TMEM132D: variants seen among roughly 807,000 people sequenced by gnomAD.
The protein encoded by TMEM132D is transmembrane protein 132D.
In TMEM132D, 21 loss-of-function variants were observed where a neutral mutation model predicts 62.3. The ratio of observed to expected loss-of-function variants is 0.34; its 90% CI spans 0.24 to 0.49. The LOEUF (loss-of-function observed/expected upper bound fraction) is 0.49. Ranked by LOEUF, TMEM132D falls within the 20% of genes least tolerant of loss-of-function variation. The probability of loss-of-function intolerance (pLI) is 0.99; values close to 1 mark genes in which losing one functional copy is unlikely to be tolerated. For synonymous variants in TMEM132D, 621 were observed against 575.6 expected (o/e 1.08, Z -1.13); for missense variants, 1,346 against 1,402.8 (o/e 0.96, Z 0.65).
At chr12:129,853,849 A>G (rs1361732451) in intron 1 of TMEM132D, 6 of 152,034 alleles carry the variant, frequency 3.9e-5, no homozygotes. Context: ...TCATAAGTTT[A>G]CTGCAATACA....
chr12:129,120,044 G>T (rs1876008630), intron 5 of TMEM132D, among the ~76,000 whole-genome samples: 1 of 152,092 alleles, frequency 6.6e-6, no homozygotes, highest in African/African-American at 2.4e-5. Context: ...ATAAAAAAAA[G>T]ACACTATGGC....
intron 4 of TMEM132D, among the ~76,000 whole-genome samples, chr12:129,247,064 A>T (rs1367355726): frequency 6.6e-6 from 1 of 152,208 alleles, no homozygotes; most frequent in Non-Finnish European, 1.5e-5. Context: ...TCCTTAATCA[A>T]AAAGATGTTT....
At chr12:129,807,363 TCTCC>T (rs1872026246) in intron 1 of TMEM132D, among the ~76,000 whole-genome samples, 3 of 152,002 alleles carry the variant, frequency 2.0e-5, no homozygotes, top group Non-Finnish European at 4.4e-5. Context: ...GCCATCAATG[TCTCC>T]CCCAGGTGGC....
intron 2 of TMEM132D, among the ~76,000 whole-genome samples, chr12:129,655,401 C>T (rs1366100877): frequency 6.6e-6 from 1 of 151,998 alleles, no homozygotes; most frequent in Non-Finnish European, 1.5e-5. Flanking sequence ...CATGCACCAC[C>T]ATGCCCAGCT....
At chr12:129,680,608 A>C (rs189706989) in intron 2 of TMEM132D, among the ~76,000 whole-genome samples, 1 of 152,332 alleles carries the variant, frequency 6.6e-6, no homozygotes, top group East Asian at 1.9e-4. Flanking sequence ...ATCAGAAAAG[A>C]AAATATCTCC....
At chr12:129,672,685 T>C (rs1180527760) in intron 2 of TMEM132D, among the ~76,000 whole-genome samples, 2 of 152,220 alleles carry the variant, frequency 1.3e-5, no homozygotes. Flanking sequence ...TATAGGCTCA[T>C]ACAATCTACA....
chr12:129,614,875 A>G (rs1430235000), intron 2 of TMEM132D, among the ~76,000 whole-genome samples: 1 of 152,186 alleles, frequency 6.6e-6, no homozygotes, highest in Non-Finnish European at 1.5e-5. Flanking sequence ...GTTAATTTTA[A>G]TGTGCAGGGC....
At position 129,191,597 on chromosome 12, in the gene TMEM132D, T is replaced by C. The variant is rs576297358; in HGVS notation, c.1443+17923A>G. 1.2e-3 allele frequency among the ~76,000 whole-genome samples: 187 copies of C among 151,818 alleles called. 1 individual carries two copies. Among genetic ancestry groups the C allele is most frequent in the African/African-American group, 4.2e-3 (172 of 41,406 alleles). On this transcript the variant is annotated intron_variant, in intron 5 of 8. Transcript: ENST00000422113. ...TTTCTCCTCTGTAAAGGAAACTACA[T>C]ATATGATACTAATTATATAAGATAT...
At chr12:129,801,670 G>A (rs542468362) in intron 1 of TMEM132D, among the ~76,000 whole-genome samples, 24 of 152,004 alleles carry the variant, frequency 1.6e-4, no homozygotes, top group Admixed American at 2.0e-4. Context: ...CACCAGCAAC[G>A]GAACAAAGCT....
At chr12:129,299,187 T>C (rs1363799566) in intron 4 of TMEM132D, among the ~76,000 whole-genome samples, 1 of 152,182 alleles carries the variant, frequency 6.6e-6, no homozygotes, top group Non-Finnish European at 1.5e-5. Flanking sequence ...TAGGTTATTT[T>C]GTTTTCTGCA....
chr12:129,740,964 T>C (rs1269671690), intron 1 of TMEM132D, among the ~76,000 whole-genome samples: 1 of 152,188 alleles, frequency 6.6e-6, no homozygotes, highest in African/African-American at 2.4e-5. Context: ...TTTTAGCATT[T>C]TAGGGCCCTG....
At chr12:129,369,605 A>T (rs1175639128) in intron 3 of TMEM132D, among the ~76,000 whole-genome samples, 1 of 152,202 alleles carries the variant, frequency 6.6e-6, no homozygotes. Context: ...TATTCTTGAA[A>T]CATCCCACCT....
chr12:129,185,498 A>G (rs1383112459), intron 5 of TMEM132D, among the ~76,000 whole-genome samples: 2 of 152,106 alleles, frequency 1.3e-5, no homozygotes, highest in East Asian at 3.8e-4. Context: ...AAAGTCATCA[A>G]CAGAAGATGA....
intron 3 of TMEM132D, among the ~76,000 whole-genome samples, chr12:129,346,841 T>C (rs1196543079): frequency 6.6e-6 from 1 of 152,222 alleles, no homozygotes; most frequent in Non-Finnish European, 1.5e-5. Context: ...CTTAAGCTGA[T>C]AGGCAACTTC....
At chr12:129,672,257 G>A (rs1042587091) in intron 2 of TMEM132D, among the ~76,000 whole-genome samples, 3 of 152,182 alleles carry the variant, frequency 2.0e-5, no homozygotes, top group African/African-American at 7.2e-5. Flanking sequence ...GGGCATTTGG[G>A]CAAAAGCAAT....
At chr12:129,682,762 G>A (rs1486498577) in intron 2 of TMEM132D, 1 of 150,860 alleles carries the variant, frequency 6.6e-6, no homozygotes, top group Admixed American at 6.7e-5. Flanking sequence ...GGGAGGCTGA[G>A]GCAGGAGAAT....
intron 2 of TMEM132D, among the ~76,000 whole-genome samples, chr12:129,578,123 G>C (rs1453168499): frequency 3.9e-5 from 6 of 152,050 alleles, no homozygotes; most frequent in African/African-American, 1.4e-4. Flanking sequence ...CAGGTCTTCA[G>C]ATTCCAGAAC....
intron 2 of TMEM132D, among the ~76,000 whole-genome samples, chr12:129,540,316 T>C (rs939611527): frequency 3.3e-5 from 5 of 152,070 alleles, no homozygotes; most frequent in Admixed American, 2.6e-4. Flanking sequence ...GCCAGTGCGA[T>C]GGACAGGGAC....
At chr12:129,346,247 T>C (rs1869683366) in intron 3 of TMEM132D, among the ~76,000 whole-genome samples, 1 of 152,242 alleles carries the variant, frequency 6.6e-6, no homozygotes, top group Admixed American at 6.5e-5. Flanking sequence ...TAGTATTCTC[T>C]GATGGTAGTT....
Sources: allele counts gnomAD v4.1 joint callset (sites outside exome capture counted in the v4.1 genomes callset), GRCh38; gene constraint gnomAD v4.1.1; transcripts MANE v1.5; gene names NCBI Gene and HGNC (gene_info 2026-07-23, HGNC 2026-07-21).